The following SYNPR variants were observed in gnomAD, a reference collection of about 807,000 sequenced individuals.
SYNPR encodes the protein synaptoporin.
SYNPR carries 23 observed loss-of-function variants against 32.9 expected under a neutral mutation model. The ratio of observed to expected loss-of-function variants is 0.70; its 90% CI spans 0.50 to 0.99. The LOEUF (loss-of-function observed/expected upper bound fraction) is 0.99, where lower values mean the gene tolerates loss of function less well. SYNPR is among the 50% of genes least tolerant of loss of function. SYNPR has a pLI of 0.00. For synonymous variants in SYNPR, 146 were observed against 135.9 expected (o/e 1.07, Z -0.52); for missense variants, 318 against 349.3 (o/e 0.91, Z 0.71).
At chr3:63,420,227 T>C (rs1699763617) in intron 2 of SYNPR, among the ~76,000 whole-genome samples, 1 of 152,138 alleles carries the variant, frequency 6.6e-6, no homozygotes, top group South Asian at 2.1e-4. Context: ...TATTTTCAAC[T>C]TAATCTAAAG....
intron 3 of SYNPR, among the ~76,000 whole-genome samples, chr3:63,520,972 G>A (rs1420970768): frequency 6.6e-6 from 1 of 152,114 alleles, no homozygotes; most frequent in African/African-American, 2.4e-5. Flanking sequence ...GTCCATTTGT[G>A]TGGAAATCTC....
intron 4 of SYNPR, among the ~76,000 whole-genome samples, chr3:63,567,531 A>G (rs1362691593): frequency 6.6e-6 from 1 of 152,186 alleles, no homozygotes; most frequent in Non-Finnish European, 1.5e-5. Context: ...TCACACACAC[A>G]GCTTTAGCTT....
intron 4 of SYNPR, among the ~76,000 whole-genome samples, chr3:63,578,941 G>A (rs1398636077): frequency 4.6e-5 from 7 of 152,038 alleles, no homozygotes; most frequent in African/African-American, 1.7e-4. Context: ...AGAAACCTGG[G>A]TGTTTCCTAT....
intron 3 of SYNPR, among the ~76,000 whole-genome samples, chr3:63,488,013 G>A (rs1011401182): frequency 1.3e-5 from 2 of 152,090 alleles, no homozygotes; most frequent in South Asian, 4.1e-4. Flanking sequence ...GGGGGCAGGT[G>A]CAAGTAGATG....
At chr3:63,481,063 A>C (rs1002428810) in intron 3 of SYNPR, 107 bp downstream of exon 3, 1 of 1,449,770 alleles carries the variant, frequency 6.9e-7, no homozygotes, top group Non-Finnish European at 9.2e-7. Flanking sequence ...GGGTAAACAG[A>C]AAGTATTCTG....
chr3:63,257,071 G>A (rs1290672722), intron 2 of SYNPR, among the ~76,000 whole-genome samples: 1 of 152,144 alleles, frequency 6.6e-6, no homozygotes, highest in East Asian at 1.9e-4. Flanking sequence ...GGGACTATGT[G>A]AAAAGACCAA....
Position 63,371,498 on chromosome 3 carries a change from C to T in SYNPR, c.84+92756C>T, listed in dbSNP as rs1284495257. On this transcript the variant is annotated intron_variant, in intron 2 of 5. Coordinates refer to ENST00000478300, the MANE Select transcript of SYNPR (RefSeq NM_001130003.2). The stretch of plus-strand genomic sequence containing the variant: ...GCCTGGGACTCCAGCCACCTACTGC[C>T]TGGGCTTTCAGACCAGTAGCAGCTC... 2.0e-5 allele frequency among the ~76,000 whole-genome samples: 3 copies of T among 152,346 alleles called. No homozygotes were observed. In the East Asian group the frequency reaches 5.8e-4, roughly 29 times the overall value.
At chr3:63,604,957 T>C (rs1266471801) in intron 4 of SYNPR, among the ~76,000 whole-genome samples, 1 of 152,352 alleles carries the variant, frequency 6.6e-6, no homozygotes, top group Middle Eastern at 3.4e-3. Flanking sequence ...TCTTATGTAA[T>C]GTTATATACA....
chr3:63,456,145 G>A (rs141735655), intron 2 of SYNPR, among the ~76,000 whole-genome samples: 2 of 152,062 alleles, frequency 1.3e-5, no homozygotes, highest in Non-Finnish European at 2.9e-5. Flanking sequence ...GAACAGCAGG[G>A]GAAAGACTTA....
intron 2 of SYNPR, among the ~76,000 whole-genome samples, chr3:63,387,972 A>G (rs892714693): frequency 2.6e-5 from 4 of 152,146 alleles, no homozygotes; most frequent in African/African-American, 9.7e-5. Flanking sequence ...AAGGGATGGG[A>G]GCAGGCTGGG....
intron 4 of SYNPR, among the ~76,000 whole-genome samples, chr3:63,582,920 G>A (rs1429292650): frequency 2.0e-5 from 3 of 151,994 alleles, no homozygotes; most frequent in African/African-American, 7.2e-5. Flanking sequence ...AGTGTCACGC[G>A]TGTCCGTATA....
At chr3:63,463,891 T>C (rs989170180) in intron 2 of SYNPR, among the ~76,000 whole-genome samples, 8 of 152,208 alleles carry the variant, frequency 5.3e-5, no homozygotes, top group Admixed American at 5.2e-4. Flanking sequence ...AAATTTTATT[T>C]ATCTATTTTT....
chr3:63,526,680 G>T (rs1702019125), intron 3 of SYNPR, among the ~76,000 whole-genome samples: 1 of 152,136 alleles, frequency 6.6e-6, no homozygotes. Flanking sequence ...GTAAATAGAA[G>T]CCTAAGGGGT....
chr3:63,515,160 C>T (rs1027808691), intron 3 of SYNPR, among the ~76,000 whole-genome samples: 1 of 151,954 alleles, frequency 6.6e-6, no homozygotes, highest in African/African-American at 2.4e-5. Flanking sequence ...ATTTCTGCCC[C>T]CCCATCTTTT....
chr3:63,392,666 C>T (rs1177305270), intron 2 of SYNPR, among the ~76,000 whole-genome samples: 1 of 152,178 alleles, frequency 6.6e-6, no homozygotes. Context: ...GCCTTAATAT[C>T]CAGCCCAAAG....
chr3:63,463,533 ACC>A (rs1700624786), intron 2 of SYNPR, among the ~76,000 whole-genome samples: 1 of 152,122 alleles, frequency 6.6e-6, no homozygotes, highest in African/African-American at 2.4e-5. Flanking sequence ...CAGTTGTGTC[ACC>A]TTATAAGTTG....
intron 4 of SYNPR, among the ~76,000 whole-genome samples, chr3:63,566,036 G>A (rs1702783742): frequency 6.6e-6 from 1 of 152,098 alleles, no homozygotes; most frequent in Admixed American, 6.6e-5. Context: ...ACATCCTAGA[G>A]AGAAAAATGC....
intron 2 of SYNPR, among the ~76,000 whole-genome samples, chr3:63,456,689 T>C (rs1412527858): frequency 6.6e-6 from 1 of 152,072 alleles, no homozygotes; most frequent in Non-Finnish European, 1.5e-5. Flanking sequence ...CCATCCATGC[T>C]CTTAACCACT....
chr3:63,388,506 G>C (rs571775718), intron 2 of SYNPR, among the ~76,000 whole-genome samples: 98 of 146,246 alleles, frequency 6.7e-4, no homozygotes, highest in African/African-American at 2.4e-3. Context: ...TCCTGCCTAA[G>C]CCTCCTGAGT....
Sources: gnomAD v4.1 joint callset for allele counts (sites outside exome capture counted in the v4.1 genomes callset) on GRCh38, gnomAD v4.1.1 for gene constraint, MANE v1.5 for transcripts, NCBI Gene and HGNC (gene_info 2026-07-23, HGNC 2026-07-21) for gene names.